The following SCN10A variants were observed in gnomAD, a reference collection of about 807,000 sequenced individuals.
SCN10A encodes the protein sodium voltage-gated channel alpha subunit 10.
In SCN10A, 162 loss-of-function variants were observed where a neutral mutation model predicts 170.7. The ratio of observed to expected loss-of-function variants is 0.95; its 90% CI spans 0.84 to 1.08. The LOEUF (loss-of-function observed/expected upper bound fraction) is 1.08. SCN10A is among the 50% of genes least tolerant of loss of function. SCN10A has a pLI of 0.00. For synonymous variants in SCN10A, 985 were observed against 904.6 expected, an observed-to-expected ratio of 1.09 and a Z score of -1.59; for missense variants, 2,527 against 2,436.9, an observed-to-expected ratio of 1.04 and a Z score of -0.78.
At chr3:38,746,243 A>G (rs900831126) in intron 13 of SCN10A, among the ~76,000 whole-genome samples, 4 of 151,170 alleles carry the variant, frequency 2.6e-5, no homozygotes, top group African/African-American at 9.7e-5. Context: ...TTTCCCCATT[A>G]AAGCCCCCTT....
chr3:38,710,191 G>A (rs900780841), intron 24 of SCN10A, among the ~76,000 whole-genome samples: 4 of 151,900 alleles, frequency 2.6e-5, no homozygotes, highest in Non-Finnish European at 5.9e-5. Flanking sequence ...ATTGAGTCTC[G>A]CTGTCTCGCC....
chr3:38,810,441 T>C (rs1162067533), intron 1 of SCN10A, among the ~76,000 whole-genome samples: 2 of 152,332 alleles, frequency 1.3e-5, no homozygotes, highest in East Asian at 3.9e-4. Flanking sequence ...GATTTGGTCC[T>C]CAAATTCTGC....
chr3:38,764,099 C>T (rs933338633), intron 5 of SCN10A, among the ~76,000 whole-genome samples: 5 of 152,242 alleles, frequency 3.3e-5, no homozygotes, highest in African/African-American at 1.2e-4. Context: ...GAAGAACCTT[C>T]TTCAGAGTGT....
Position 38,761,449 on chromosome 3 carries a change from T to C in SCN10A, c.692-66A>G, listed in dbSNP as rs192569261. 1.2e-5 allele frequency: 16 copies of C among 1,389,504 alleles called. No individual in the cohort carries two copies. The East Asian group carries it at 3.5e-4, about 30-fold the overall frequency. The allele number at this position is 1,389,504 out of a possible 1,614,324, so 86.1% of individuals were successfully genotyped here. On this transcript the variant is annotated intron_variant, in intron 6 of 27. Coordinates refer to ENST00000449082, the MANE Select transcript of SCN10A (RefSeq NM_006514.4). ...AGCACACACGGAGCACACTTCTTCA[T>C]CTTAGCCATCCTCCTTCATCTCTAC...
chr3:38,746,059 A>ATGTGTGTATATATATATATGTG (rs1171627666), intron 13 of SCN10A, among the ~76,000 whole-genome samples: 2 of 65,872 alleles, frequency 3.0e-5, no homozygotes, highest in Non-Finnish European at 5.5e-5. Flanking sequence ...ATGTGTGTGT[A>ATGTGTGTATATATATATATGTG]TGTGTATATA....
intron 14 of SCN10A, among the ~76,000 whole-genome samples, 169 bp downstream of exon 14, chr3:38,742,122 C>T (rs2063638514): frequency 6.6e-6 from 1 of 152,190 alleles, no homozygotes; most frequent in African/African-American, 2.4e-5. Context: ...CACTTGACCT[C>T]CTGAACCCAG....
rs142173735 is a variant in SCN10A at position 38,712,340 on chromosome 3, C to T, written c.3910G>A (p.Ala1304Thr). ...IFSIMGVNLFAGKFWRCINYT... is the reference protein window; with the variant it reads ...IFSIMGVNLFTGKFWRCINYT... Reference sequence around the variant, plus strand: ...TTGATGCACCTCCAAAACTTCCCTGCGAAGAGGTTCACACCCATGATGCTG... The same window carrying T: ...TTGATGCACCTCCAAAACTTCCCTGTGAAGAGGTTCACACCCATGATGCTG... The change falls in exon 23 of 28, where the codon GCA becomes ACA. Residue 1304 changes from alanine (A) to threonine (T), a missense_variant. By Grantham distance (58) the Ala-to-Thr change is moderately conservative (BLOSUM62 0). Coordinates refer to ENST00000449082, the MANE Select transcript of SCN10A (RefSeq NM_006514.4). 61 of 1,614,052 alleles carry T rather than the reference C, an allele frequency of 3.8e-5. No homozygotes were observed. The highest frequency in any genetic ancestry group is 7.7e-5 in the South Asian group (7 of 91,080).
intron 26 of SCN10A, among the ~76,000 whole-genome samples, chr3:38,704,451 TGACTTTA>T (rs1301997590): frequency 2.6e-5 from 4 of 152,208 alleles, no homozygotes; most frequent in Non-Finnish European, 5.9e-5. Flanking sequence ...CTGGATATTC[TGACTTTA>T]GGGAATGGAG....
chr3:38,802,141 T>TA (rs1354346507), intron 1 of SCN10A, among the ~76,000 whole-genome samples: 1 of 152,272 alleles, frequency 6.6e-6, no homozygotes, highest in East Asian at 1.9e-4. Context: ...GACACTTTTT[T>TA]ACACTCTGGA....
At chr3:38,773,515 G>A (rs1301175557) in intron 4 of SCN10A, among the ~76,000 whole-genome samples, 1 of 152,168 alleles carries the variant, frequency 6.6e-6, no homozygotes, top group Non-Finnish European at 1.5e-5. Flanking sequence ...TGATACACAT[G>A]CACCTGATGT....
chr3:38,791,648 C>T (rs2064282350), intron 3 of SCN10A, among the ~76,000 whole-genome samples: 1 of 152,170 alleles, frequency 6.6e-6, no homozygotes, highest in Admixed American at 6.5e-5. Flanking sequence ...ACAACTCATG[C>T]CTATCTCATC....
intron 21 of SCN10A, 94 bp downstream of exon 21, chr3:38,718,559 G>A: frequency 7.5e-7 from 1 of 1,338,578 alleles, no homozygotes; most frequent in East Asian, 2.3e-5. Flanking sequence ...AGTAGCCCTT[G>A]AGGGCCAGGT....
intron 6 of SCN10A, 92 bp downstream of exon 6, chr3:38,763,413 C>T: frequency 9.9e-7 from 1 of 1,005,278 alleles, no homozygotes; most frequent in Non-Finnish European, 1.6e-6. Flanking sequence ...GGACAATAGT[C>T]TTTGCCCTGG....
intron 15 of SCN10A, among the ~76,000 whole-genome samples, chr3:38,736,811 CA>C (rs1186193975): frequency 1.3e-5 from 2 of 149,892 alleles, no homozygotes; most frequent in Non-Finnish European, 3.0e-5. Flanking sequence ...GACAGGGTAG[CA>C]TTCCCCTGCA....
chr3:38,728,784 C>A lies in SCN10A; in HGVS notation c.2398G>T (p.Val800Phe). The A allele has an allele frequency of 2.5e-6, 4 of 1,614,174 alleles. No homozygotes were observed. Among genetic ancestry groups the A allele is most frequent in the Non-Finnish European group, 2.5e-6 (3 of 1,180,032 alleles). The change falls in exon 16 of 28, where the codon GTC (valine) becomes TTC (phenylalanine). Residue 800 changes from valine to phenylalanine, a missense_variant. Transcript: ENST00000449082. ...AGCTGCTTGCCAACCAGAGCAAAGA[C>A]AAAGACAATGATGGCCAGGATGATG... The part of the protein sequence containing the change: ...LTIILAIIVF[V>F]FALVGKQLLG...
intron 26 of SCN10A, among the ~76,000 whole-genome samples, chr3:38,705,630 G>A (rs973889712): frequency 1.3e-5 from 2 of 152,148 alleles, no homozygotes; most frequent in Admixed American, 6.5e-5. Flanking sequence ...CTTCCTTGAG[G>A]GGAGGAAGCT....
rs145126162 is a variant in SCN10A at position 38,803,690 on chromosome 3, C to T, written c.-32-9648G>A. Among the ~76,000 whole-genome samples, 59 of 151,264 alleles carry T rather than the reference C, an allele frequency of 3.9e-4. No homozygotes were observed. The East Asian group carries it at 0.011, about 27-fold the overall frequency. Reference sequence around the variant, plus strand: ...GGGAGGGATAGCATTAGGAGATATACCTAATGTAAATGACGAGTTAATGGG... The same window carrying T: ...GGGAGGGATAGCATTAGGAGATATATCTAATGTAAATGACGAGTTAATGGG... On this transcript the variant is annotated intron_variant, in intron 1 of 27. Coordinates refer to ENST00000449082, the MANE Select transcript of SCN10A (RefSeq NM_006514.4).
At chr3:38,784,848 C>G (rs111280947) in intron 4 of SCN10A, among the ~76,000 whole-genome samples, 1 of 151,782 alleles carries the variant, frequency 6.6e-6, no homozygotes, top group Non-Finnish European at 1.5e-5. Context: ...ACAGACAAAC[C>G]GAGAGCCAAA....
intron 3 of SCN10A, 30 bp from the exon 4 acceptor site, chr3:38,789,066 G>T (rs571620138): frequency 1.9e-5 from 24 of 1,295,658 alleles, no homozygotes; most frequent in Non-Finnish European, 2.6e-5. Context: ...GAAAAGCTGA[G>T]ATCACCAAGT....
Sources: gnomAD v4.1 joint callset for allele counts (sites outside exome capture counted in the v4.1 genomes callset) on GRCh38, gnomAD v4.1.1 for gene constraint, MANE v1.5 for transcripts, NCBI Gene and HGNC (gene_info 2026-07-23, HGNC 2026-07-21) for gene names.